The following LRPPRC variants were observed in gnomAD, a reference collection of about 807,000 sequenced individuals.
LRPPRC encodes the protein leucine-rich PPR motif-containing protein, mitochondrial.
In LRPPRC, 120 loss-of-function variants were observed where a neutral mutation model predicts 180.3. That is an observed-to-expected ratio of 0.67 (90% CI 0.57 to 0.77). LRPPRC has a LOEUF of 0.77. Ranked by LOEUF, LRPPRC falls within the 30% of genes least tolerant of loss-of-function variation. LRPPRC has a pLI of 0.00. For synonymous variants in LRPPRC, 723 were observed against 600.0 expected, an observed-to-expected ratio of 1.21 and a Z score of -3.00; for missense variants, 2,012 against 1,657.2, an observed-to-expected ratio of 1.21 and a Z score of -3.72.
At chr2:43,996,246 G>C (rs748883798), upstream of LRPPRC, among the ~76,000 whole-genome samples, 1 of 152,206 alleles carries the variant, frequency 6.6e-6, no homozygotes, top group Non-Finnish European at 1.5e-5. Context: ...TCTGTTGGTA[G>C]AGCCGCAAGA....
At chr2:43,985,751 C>T (rs980679763) in intron 1 of LRPPRC, among the ~76,000 whole-genome samples, 2 of 152,198 alleles carry the variant, frequency 1.3e-5, no homozygotes, top group African/African-American at 4.8e-5. Flanking sequence ...ATCCAGGTTG[C>T]TTCCAATTTT....
intron 13 of LRPPRC, among the ~76,000 whole-genome samples, chr2:43,958,782 A>G (rs929270888): frequency 1.6e-4 from 25 of 152,170 alleles, no homozygotes; most frequent in African/African-American, 5.3e-4. Flanking sequence ...CCAGTAGTGC[A>G]TTCCTAAGAG....
intron 29 of LRPPRC, among the ~76,000 whole-genome samples, chr2:43,916,598 AT>A (rs1302419691): frequency 5.9e-5 from 9 of 152,238 alleles, no homozygotes; most frequent in African/African-American, 1.7e-4. Flanking sequence ...AATACTTTTA[AT>A]AAAAATGTAT....
At chr2:43,935,832 AC>A (rs1457676672) in intron 23 of LRPPRC, among the ~76,000 whole-genome samples, 3 of 152,112 alleles carry the variant, frequency 2.0e-5, no homozygotes, top group African/African-American at 7.2e-5. Flanking sequence ...ACCTTGCAAG[AC>A]CAGGTGCGGT....
intron 2 of LRPPRC, among the ~76,000 whole-genome samples, chr2:43,980,571 GAAGAAAGA>G (rs371240035): frequency 2.3e-5 from 2 of 87,020 alleles, no homozygotes; most frequent in Admixed American, 1.1e-4. Flanking sequence ...AAAAAAAAAA[GAAGAAAGA>G]AAGAAAGAGA....
intron 1 of LRPPRC, among the ~76,000 whole-genome samples, chr2:43,991,459 T>C (rs1016985132): frequency 3.9e-5 from 6 of 152,242 alleles, no homozygotes; most frequent in African/African-American, 9.6e-5. Flanking sequence ...TTTTCACCTT[T>C]AGGCCAATCA....
chr2:43,947,925 A>T (rs972809749), intron 18 of LRPPRC, 150 bp from the exon 19 acceptor site: 5 of 656,864 alleles, frequency 7.6e-6, no homozygotes, highest in African/African-American at 1.8e-5. Context: ...TTTATTAATC[A>T]ATGTAATTAA....
intron 11 of LRPPRC, among the ~76,000 whole-genome samples, chr2:43,972,175 G>C (rs776568157): frequency 1.3e-5 from 2 of 152,186 alleles, no homozygotes; most frequent in Non-Finnish European, 1.5e-5. Flanking sequence ...ATCACACCTA[G>C]ACGTGGAAGC....
chr2:43,957,420 C>A lies in LRPPRC; in HGVS notation c.1614G>T (p.Gln538His), dbSNP rs1248380937. 16 of 1,613,492 alleles carry A rather than the reference C, an allele frequency of 9.9e-6. No individual in the cohort carries two copies. Among genetic ancestry groups the A allele is most frequent in the African/African-American group, 1.3e-5 (1 of 74,902 alleles). The change falls in exon 14 of 38, where the codon CAG becomes CAT. Residue 538 changes from glutamine to histidine, a missense_variant. Gln to His is a conservative substitution (Grantham distance 24). Coordinates refer to ENST00000260665, the MANE Select transcript of LRPPRC (RefSeq NM_133259.4). ...LKSNTLPISL[Q>H]SIRSSLLLGF... Reference sequence around the variant, plus strand: ...CTAGCAGTAGGCTACTTCTTATAGACTGCAGCGAGATGGGCAATGTATTTG... The same window carrying A: ...CTAGCAGTAGGCTACTTCTTATAGAATGCAGCGAGATGGGCAATGTATTTG...
chr2:43,963,798 C>T, intron 11 of LRPPRC, 92 bp from the exon 12 acceptor site: 1 of 802,078 alleles, frequency 1.2e-6, no homozygotes, highest in Admixed American at 1.7e-5. Flanking sequence ...TTCTGAATCA[C>T]AGTATAAGAA....
Position 43,947,271 on chromosome 2 carries a change from G to T in LRPPRC, c.2065C>A (p.Leu689Ile). Residue 689 changes from leucine to isoleucine, a missense_variant, in exon 20 of 38, where the codon CTT (leucine) becomes ATT (isoleucine). Transcript: ENST00000260665. ...RDVLKQLILV[L>I]CSEENMQKAL... ...ACAAATGTTACCTCTTCTGAACAAA[G>T]CACTAATATGAGTTGCTTTAGGACA... 6.4e-7 allele frequency: 1 copy of T among 1,564,524 alleles called. No homozygotes were observed. Among genetic ancestry groups the T allele is most frequent in the Non-Finnish European group, 8.8e-7 (1 of 1,138,878 alleles).
At chr2:43,935,914 T>C (rs973131139) in intron 23 of LRPPRC, among the ~76,000 whole-genome samples, 2 of 151,938 alleles carry the variant, frequency 1.3e-5, no homozygotes, top group South Asian at 4.2e-4. Context: ...AGAAACCCCA[T>C]CTCTATTAAA....
At chr2:43,925,804 C>A (rs190847395) in intron 26 of LRPPRC, 89 bp downstream of exon 26, 1 of 852,346 alleles carries the variant, frequency 1.2e-6, no homozygotes, top group Non-Finnish European at 2.1e-6. Context: ...CCCTGTCTCT[C>A]GAAGTCCCCA....
intron 31 of LRPPRC, 116 bp from the exon 32 acceptor site, chr2:43,901,640 ATAAT>A: frequency 1.4e-6 from 1 of 704,998 alleles, no homozygotes; most frequent in Non-Finnish European, 2.5e-6. Flanking sequence ...AAAGCTATGA[ATAAT>A]TAATTTTAGA....
chr2:43,889,134 G>A (rs1670383757), intron 37 of LRPPRC, among the ~76,000 whole-genome samples: 1 of 151,958 alleles, frequency 6.6e-6, no homozygotes, highest in Admixed American at 6.6e-5. Context: ...GGCCAACATG[G>A]TGAAACCCCA....
At chr2:43,915,171 G>T (rs1378630276) in intron 29 of LRPPRC, among the ~76,000 whole-genome samples, 1 of 144,304 alleles carries the variant, frequency 6.9e-6, no homozygotes, top group Non-Finnish European at 1.5e-5. Flanking sequence ...TTGCGCCACT[G>T]CACTCCGGCC....
intron 29 of LRPPRC, among the ~76,000 whole-genome samples, chr2:43,914,835 ATTAT>A (rs1269445386): frequency 6.6e-6 from 1 of 152,202 alleles, no homozygotes; most frequent in Non-Finnish European, 1.5e-5. Flanking sequence ...ATTGTATTTA[ATTAT>A]TTAACTACTT....
chr2:43,983,430 A>G (rs1674397780), intron 1 of LRPPRC, among the ~76,000 whole-genome samples: 1 of 152,162 alleles, frequency 6.6e-6, no homozygotes, highest in Admixed American at 6.5e-5. Flanking sequence ...AGGCTATTCT[A>G]GGTAAAAATA....
At chr2:43,905,499 T>G (rs1322039528) in intron 31 of LRPPRC, among the ~76,000 whole-genome samples, 193 bp downstream of exon 31, 2 of 152,224 alleles carry the variant, frequency 1.3e-5, no homozygotes, top group Non-Finnish European at 2.9e-5. Context: ...AGTGGTCAAA[T>G]GACAAGTACA....
Sources: gnomAD v4.1 joint callset for allele counts (sites outside exome capture counted in the v4.1 genomes callset) on GRCh38, gnomAD v4.1.1 for gene constraint, MANE v1.5 for transcripts, NCBI Gene and HGNC (gene_info 2026-07-23, HGNC 2026-07-21) for gene names.